CNTNAP2: variants seen among roughly 807,000 people sequenced by gnomAD.
The protein encoded by CNTNAP2 is contactin-associated protein-like 2.
Under a neutral mutation model 155.2 loss-of-function variants are expected in CNTNAP2, and 98 were observed. The observed-to-expected ratio is 0.63, with a 90% confidence interval of 0.54 to 0.75. CNTNAP2 has a LOEUF of 0.75. Among genes scored for constraint, CNTNAP2 ranks in the 30% least tolerant of loss-of-function variants. The probability of loss-of-function intolerance (pLI) is 0.00; values close to 1 mark genes in which losing one functional copy is unlikely to be tolerated. For synonymous variants in CNTNAP2, 651 were observed against 631.2 expected, an observed-to-expected ratio of 1.03 and a Z score of -0.47; for missense variants, 1,727 against 1,688.1, an observed-to-expected ratio of 1.02 and a Z score of -0.40.
At chr7:148,223,730 T>C (rs982376242) in intron 19 of CNTNAP2, among the ~76,000 whole-genome samples, 1 of 152,216 alleles carries the variant, frequency 6.6e-6, no homozygotes, top group Non-Finnish European at 1.5e-5. Flanking sequence ...CTCATCTTTC[T>C]TTCTCAAAGC....
chr7:147,802,315 C>T (rs1798012515), intron 13 of CNTNAP2, among the ~76,000 whole-genome samples: 2 of 149,262 alleles, frequency 1.3e-5, no homozygotes, highest in Non-Finnish European at 3.0e-5. Context: ...CAGAGGGGCT[C>T]CTCACATCCC....
intron 20 of CNTNAP2, among the ~76,000 whole-genome samples, chr7:148,252,059 A>G (rs1298716835): frequency 5.3e-5 from 8 of 152,112 alleles, no homozygotes; most frequent in Non-Finnish European, 8.8e-5. Flanking sequence ...ATTCTCCTAT[A>G]CATGCCTCAT....
At chr7:148,308,629 G>C (rs1797533959) in intron 21 of CNTNAP2, among the ~76,000 whole-genome samples, 1 of 151,672 alleles carries the variant, frequency 6.6e-6, no homozygotes, top group Non-Finnish European at 1.5e-5. Context: ...GGAACGTGCA[G>C]TTTTGTTACA....
intron 11 of CNTNAP2, among the ~76,000 whole-genome samples, chr7:147,504,476 C>A (rs909618556): frequency 5.3e-5 from 8 of 151,910 alleles, no homozygotes; most frequent in Non-Finnish European, 8.8e-5. Context: ...ATCACTTGAG[C>A]CCAGGACTTC....
intron 15 of CNTNAP2, among the ~76,000 whole-genome samples, chr7:148,072,540 A>G (rs984007759): frequency 5.3e-5 from 8 of 152,246 alleles, no homozygotes; most frequent in African/African-American, 1.9e-4. Context: ...TAACCTTTTA[A>G]AAAGACAAAA....
intron 16 of CNTNAP2, among the ~76,000 whole-genome samples, chr7:148,120,866 A>T (rs1180207853): frequency 1.3e-5 from 2 of 152,114 alleles, no homozygotes; most frequent in Non-Finnish European, 2.9e-5. Flanking sequence ...ATTATATGTC[A>T]TCTCCATCAG....
rs1171313886 is a variant in CNTNAP2 at position 146,675,403 on chromosome 7, A to C, written c.98-98868A>C. ...TTAACATTTAGGAGCATGGGCTAGC[A>C]ATCTTACTAGTTTCAAGCCTTGGCT... On this transcript the variant is annotated intron_variant, in intron 1 of 23. Transcript: ENST00000361727. Among the ~76,000 whole-genome samples, 5 of 152,288 alleles carry C rather than the reference A, an allele frequency of 3.3e-5. No individual in the cohort carries two copies. In the East Asian group the frequency reaches 9.7e-4, roughly 29 times the overall value.
intron 1 of CNTNAP2, among the ~76,000 whole-genome samples, chr7:146,308,566 T>C (rs931468684): frequency 2.6e-5 from 4 of 151,366 alleles, no homozygotes; most frequent in African/African-American, 9.7e-5. Context: ...TAGCAAAGAC[T>C]TGGAACCAAC....
At chr7:147,352,732 A>C (rs1237777125) in intron 9 of CNTNAP2, among the ~76,000 whole-genome samples, 4 of 151,880 alleles carry the variant, frequency 2.6e-5, no homozygotes, top group Non-Finnish European at 5.9e-5. Flanking sequence ...GCCTGTTACT[A>C]AGTTATTCTG....
At chr7:146,388,565 G>A (rs1397418785) in intron 1 of CNTNAP2, among the ~76,000 whole-genome samples, 2 of 152,086 alleles carry the variant, frequency 1.3e-5, no homozygotes, top group Non-Finnish European at 2.9e-5. Context: ...ATGGGGAATG[G>A]GGGATCCATC....
chr7:147,636,183 T>C (rs1795177829), intron 12 of CNTNAP2, among the ~76,000 whole-genome samples: 1 of 152,188 alleles, frequency 6.6e-6, no homozygotes, highest in Non-Finnish European at 1.5e-5. Context: ...ATATTTATTC[T>C]ACAGAAAATA....
At position 147,455,622 on chromosome 7, in the gene CNTNAP2, G is replaced by A. The variant is rs542598430; in HGVS notation, c.1671-30313G>A. 1.1e-4 allele frequency among the ~76,000 whole-genome samples: 16 copies of A among 152,206 alleles called. No individual in the cohort carries two copies. In the South Asian group the frequency reaches 2.9e-3, roughly 28 times the overall value. ...TAAACTATTCCAGAGAATAGAAATA[G>A]AGGGAAACTTTCCCCATTCTTTTTG... On this transcript the variant is annotated intron_variant, in intron 10 of 23. Transcript: ENST00000361727.
At chr7:147,648,656 T>A (rs756197666) in intron 13 of CNTNAP2, among the ~76,000 whole-genome samples, 14 of 152,152 alleles carry the variant, frequency 9.2e-5, no homozygotes, top group Admixed American at 4.6e-4. Context: ...CCATCAGATC[T>A]TGTGAGACTT....
At chr7:146,930,333 A>C (rs1374533971) in intron 3 of CNTNAP2, among the ~76,000 whole-genome samples, 1 of 152,072 alleles carries the variant, frequency 6.6e-6, no homozygotes, top group African/African-American at 2.4e-5. Flanking sequence ...ATATCCAGCC[A>C]AACTAAGATT....
intron 1 of CNTNAP2, among the ~76,000 whole-genome samples, chr7:146,297,821 T>C (rs1800538198): frequency 6.6e-6 from 1 of 152,182 alleles, no homozygotes; most frequent in East Asian, 1.9e-4. Flanking sequence ...ATCTGGTAAC[T>C]TGTTTTCCAT....
chr7:148,125,328 G>T lies in CNTNAP2; in HGVS notation c.2554+7040G>T, dbSNP rs78156579. ...GTTATATTGGTAAATTGCATGTCAC[G>T]GGGATTTGATGTACAGATTATTTTG... On this transcript the variant is annotated intron_variant, in intron 16 of 23. Coordinates refer to ENST00000361727, the MANE Select transcript of CNTNAP2 (RefSeq NM_014141.6). 1.1e-3 allele frequency among the ~76,000 whole-genome samples: 172 copies of T among 152,012 alleles called. No individual in the cohort carries two copies. In the East Asian group the frequency reaches 0.024, roughly 22 times the overall value.
At chr7:146,385,327 G>A (rs1312152194) in intron 1 of CNTNAP2, among the ~76,000 whole-genome samples, 2 of 152,140 alleles carry the variant, frequency 1.3e-5, no homozygotes, top group Non-Finnish European at 2.9e-5. Flanking sequence ...CAGAGCCATG[G>A]CATGGGTAGT....
chr7:147,593,540 T>G (rs1037491727), intron 12 of CNTNAP2, among the ~76,000 whole-genome samples: 3 of 152,028 alleles, frequency 2.0e-5, no homozygotes, highest in African/African-American at 7.2e-5. Context: ...GGTAGATTAT[T>G]TAGGCCTTTA....
At chr7:147,050,719 G>A (rs544825652) in intron 4 of CNTNAP2, among the ~76,000 whole-genome samples, 4 of 152,176 alleles carry the variant, frequency 2.6e-5, no homozygotes, top group Admixed American at 6.5e-5. Flanking sequence ...TAGTTTCCTG[G>A]GGTCTCTGTA....
Sources: gnomAD v4.1 joint callset for allele counts (sites outside exome capture counted in the v4.1 genomes callset) on GRCh38, gnomAD v4.1.1 for gene constraint, MANE v1.5 for transcripts, NCBI Gene and HGNC (gene_info 2026-07-23, HGNC 2026-07-21) for gene names.